BCL2: variants seen among roughly 807,000 people sequenced by gnomAD.
BCL2 encodes BCL2 apoptosis regulator.
BCL2 carries 1 observed loss-of-function variant against 14.2 expected under a neutral mutation model. That is an observed-to-expected ratio of 0.07 (90% CI 0.02 to 0.33). BCL2 has a LOEUF of 0.33. Ranked by LOEUF, BCL2 falls within the 10% of genes least tolerant of loss-of-function variation. The pLI, the probability that BCL2 is intolerant of heterozygous loss-of-function variation, is 0.99. For missense variants in BCL2, 247 were observed against 305.9 expected (o/e 0.81, Z 1.44); for synonymous variants, 151 against 137.2 (o/e 1.10, Z -0.70).
chr18:63,293,743 G>T (rs543491675), intron 2 of BCL2, among the ~76,000 whole-genome samples: 11 of 152,228 alleles, frequency 7.2e-5, no homozygotes, highest in African/African-American at 2.6e-4. Flanking sequence ...AGGAAAATGG[G>T]ATCAAAGTAT....
intron 2 of BCL2, among the ~76,000 whole-genome samples, chr18:63,200,028 G>A (rs1411671071): frequency 6.6e-6 from 1 of 152,126 alleles, no homozygotes; most frequent in East Asian, 1.9e-4. Flanking sequence ...CGTAACCTTA[G>A]TTCCAGACGT....
intron 2 of BCL2, among the ~76,000 whole-genome samples, chr18:63,298,642 T>C (rs1345103141): frequency 6.6e-6 from 1 of 152,244 alleles, no homozygotes; most frequent in African/African-American, 2.4e-5. Flanking sequence ...TGCTATTTTA[T>C]ATTTTGTTAT....
Position 63,128,672 on chromosome 18 carries a change from G to A in BCL2, c.673C>T (p.Leu225=). Reference sequence around the variant, plus strand: ...CCCAGGGTGATGCAAGCTCCCACCAGGGCCAAACTGAGCAGAGTCTTCAGA... The same window carrying A: ...CCCAGGGTGATGCAAGCTCCCACCAAGGCCAAACTGAGCAGAGTCTTCAGA... The part of the protein sequence containing the change: ...LSLKTLLSLA[L]VGACITLGAY... Residue 225 remains leucine (L), a synonymous_variant, in exon 3 of 3, where the codon CTG becomes TTG. Coordinates refer to ENST00000333681, the MANE Select transcript of BCL2 (RefSeq NM_000633.3). 1.3e-6 allele frequency: 1 copy of A among 781,098 alleles called. No individual in the cohort carries two copies. Among genetic ancestry groups the A allele is most frequent in the East Asian group, 2.4e-5 (1 of 41,250 alleles). The allele number at this position is 781,098 out of a possible 1,614,324, so 48.4% of individuals were successfully genotyped here.
At chr18:63,216,796 C>T (rs1276415161) in intron 2 of BCL2, among the ~76,000 whole-genome samples, 1 of 152,164 alleles carries the variant, frequency 6.6e-6, no homozygotes, top group African/African-American at 2.4e-5. Context: ...AAAAAGATTC[C>T]AATGTGATTC....
intron 2 of BCL2, among the ~76,000 whole-genome samples, chr18:63,307,661 A>C (rs1021463730): frequency 6.6e-6 from 1 of 152,246 alleles, no homozygotes; most frequent in Non-Finnish European, 1.5e-5. Context: ...TTCATTAAGA[A>C]GGAATCTGGC....
chr18:63,252,318 C>T (rs1017246702), intron 2 of BCL2, among the ~76,000 whole-genome samples: 1 of 152,170 alleles, frequency 6.6e-6, no homozygotes, highest in Non-Finnish European at 1.5e-5. Context: ...TATTTCCTCA[C>T]TTTCTTTGAG....
At chr18:63,198,621 CACAG>C (rs1283623725) in intron 2 of BCL2, among the ~76,000 whole-genome samples, 2 of 151,624 alleles carry the variant, frequency 1.3e-5, no homozygotes, top group Non-Finnish European at 2.9e-5. Flanking sequence ...CACACTGACA[CACAG>C]ACACAGAGAC....
At chr18:63,261,124 T>C (rs1911647540) in intron 2 of BCL2, among the ~76,000 whole-genome samples, 1 of 152,182 alleles carries the variant, frequency 6.6e-6, no homozygotes, top group South Asian at 2.1e-4. Context: ...ACTTTGTCCA[T>C]AGAGTGATTT....
In BCL2 at chr18:63,303,853, A is replaced by G. The variant is rs117236394; in HGVS notation, c.585+14229T>C. Among the ~76,000 whole-genome samples the G allele has an allele frequency of 4.3e-4, 66 of 152,360 alleles. No homozygotes were observed. The East Asian group carries it at 0.013, about 29-fold the overall frequency. ...AAATGGGGAAATGAGAAGGATGAGT[A>G]GGTAAGGAAAAGATTGCGCTAAACA... On this transcript the variant is annotated intron_variant, in intron 2 of 2. Coordinates refer to ENST00000333681, the MANE Select transcript of BCL2 (RefSeq NM_000633.3).
intron 2 of BCL2, among the ~76,000 whole-genome samples, chr18:63,308,014 C>T (rs1913193175): frequency 6.6e-6 from 1 of 152,228 alleles, no homozygotes; most frequent in Non-Finnish European, 1.5e-5. Flanking sequence ...TTTGAGTTTG[C>T]TTCATGCTAA....
chr18:63,280,467 C>T (rs997252357), intron 2 of BCL2, among the ~76,000 whole-genome samples: 15 of 152,124 alleles, frequency 9.9e-5, no homozygotes, highest in Admixed American at 3.3e-4. Flanking sequence ...ATGTAAAGAA[C>T]GCCTACAACT....
At chr18:63,202,803 T>C (rs1309997447) in intron 2 of BCL2, among the ~76,000 whole-genome samples, 1 of 152,226 alleles carries the variant, frequency 6.6e-6, no homozygotes, top group East Asian at 1.9e-4. Context: ...TCTGTGTGTC[T>C]TGTGCAGCCA....
At chr18:63,208,490 C>G (rs1909907304) in intron 2 of BCL2, among the ~76,000 whole-genome samples, 1 of 152,018 alleles carries the variant, frequency 6.6e-6, no homozygotes, top group Non-Finnish European at 1.5e-5. Context: ...CACACAAATC[C>G]AGAGAAAGGA....
At chr18:63,274,151 G>T (rs1181987971) in intron 2 of BCL2, among the ~76,000 whole-genome samples, 1 of 151,974 alleles carries the variant, frequency 6.6e-6, no homozygotes, top group Non-Finnish European at 1.5e-5. Context: ...CCTCTGAGTT[G>T]GCCAAATCTG....
At chr18:63,154,587 C>T (rs917242784) in intron 2 of BCL2, among the ~76,000 whole-genome samples, 4 of 152,220 alleles carry the variant, frequency 2.6e-5, no homozygotes, top group Non-Finnish European at 4.4e-5. Flanking sequence ...GGCTCACATG[C>T]ATCCTCAGGC....
intron 2 of BCL2, among the ~76,000 whole-genome samples, chr18:63,212,528 G>A (rs560647810): frequency 6.6e-6 from 1 of 151,628 alleles, no homozygotes; most frequent in East Asian, 1.9e-4. Flanking sequence ...GTGGCCACAA[G>A]CCACAGTGGG....
intron 2 of BCL2, among the ~76,000 whole-genome samples, chr18:63,215,989 T>A (rs1330674941): frequency 1.3e-5 from 2 of 151,826 alleles, no homozygotes; most frequent in Non-Finnish European, 2.9e-5. Flanking sequence ...CCAGAGGAGG[T>A]GCAAGCAGGG....
At chr18:63,297,831 C>A (rs984900190) in intron 2 of BCL2, among the ~76,000 whole-genome samples, 4 of 152,158 alleles carry the variant, frequency 2.6e-5, no homozygotes, top group African/African-American at 9.7e-5. Context: ...CTTCGCAAGC[C>A]ACCTTTAACC....
At chr18:63,244,583 G>C (rs112262231) in intron 2 of BCL2, among the ~76,000 whole-genome samples, 1 of 152,062 alleles carries the variant, frequency 6.6e-6, no homozygotes, top group African/African-American at 2.4e-5. Context: ...CAGAAGTTTC[G>C]TTTGGCAGAG....
Sources: gnomAD v4.1 joint callset for allele counts (sites outside exome capture counted in the v4.1 genomes callset) on GRCh38, gnomAD v4.1.1 for gene constraint, MANE v1.5 for transcripts, NCBI Gene and HGNC (gene_info 2026-07-23, HGNC 2026-07-21) for gene names.